Variants in HORMAD2 observed in about 807,000 individuals in gnomAD.
HORMAD2 encodes HORMA domain-containing protein 2.
HORMAD2 carries 45 observed loss-of-function variants against 38.8 expected under a neutral mutation model. That is an observed-to-expected ratio of 1.16 (90% confidence interval 0.91 to 1.49). HORMAD2 has a LOEUF of 1.49. HORMAD2 is among the 40% of genes most tolerant of loss of function. The probability of loss-of-function intolerance (pLI) is 0.00; values close to 1 mark genes in which losing one functional copy is unlikely to be tolerated. For missense variants in HORMAD2, 338 were observed against 367.0 expected (o/e 0.92, Z 0.65); for synonymous variants, 126 against 122.8 (o/e 1.03, Z -0.17).
chr22:30,122,231 G>C lies in HORMAD2; in HGVS notation c.819+17G>C, dbSNP rs1377407024. The C allele has an allele frequency of 1.3e-6, 2 of 1,594,644 alleles. No homozygotes were observed. Among genetic ancestry groups the C allele is most frequent in the Admixed American group, 3.5e-5 (2 of 57,460 alleles). On this transcript the variant is annotated intron_variant, in intron 10 of 10. Transcript: ENST00000336726. ...AATGACCATGTAAGGCAAAGCTTTA[G>C]AGATTTTCTATCGTGTCAGTTAAAC... is the stretch of plus-strand genomic sequence containing the variant.
At position 30,176,121 on chromosome 22, in the gene HORMAD2, GGAA is replaced by G. The variant is rs763426385; in HGVS notation, c.880_882del (p.Lys294del). The G allele has an allele frequency of 6.2e-7, 1 of 1,613,198 alleles. No homozygotes were observed. The highest frequency in any genetic ancestry group is 8.5e-7 in the Non-Finnish European group (1 of 1,179,376). ...AGTTCTGAGTGCTCCAGGAAGAAGA[GGAA>G]GGTCAGTGAACCAGTGAAGGTCTTC... is the stretch of plus-strand genomic sequence containing the variant. On this transcript the variant is annotated inframe_deletion, in exon 11 of 11. Coordinates refer to ENST00000336726, the MANE Select transcript of HORMAD2 (RefSeq NM_152510.4).
chr22:30,099,680 A>C lies in HORMAD2; in HGVS notation c.193+687A>C, dbSNP rs548475030. Among the ~76,000 whole-genome samples, 17 of 152,322 alleles carry C rather than the reference A, an allele frequency of 1.1e-4. No homozygotes were observed. The East Asian group carries it at 3.3e-3, about 29-fold the overall frequency. ...GGCGAGTGGATCACCTGAGTTCAGG[A>C]GTTCGAGACCAGCCTGGCCAACATG... On this transcript the variant is annotated intron_variant, in intron 3 of 10. Transcript: ENST00000336726.
At chr22:30,107,051 T>C (rs879906635) in intron 5 of HORMAD2, among the ~76,000 whole-genome samples, 1 of 152,244 alleles carries the variant, frequency 6.6e-6, no homozygotes, top group Non-Finnish European at 1.5e-5. Context: ...ACAAATACTA[T>C]GTATGTGTTA....
rs1470963809 is a variant in HORMAD2 at position 30,103,031 on chromosome 22, ATTCC to A, written c.194-399_194-396del. Among the ~76,000 whole-genome samples, 6 of 152,302 alleles carry A rather than the reference ATTCC, an allele frequency of 3.9e-5. No homozygotes were observed. In the East Asian group the frequency reaches 9.6e-4, roughly 24 times the overall value. On this transcript the variant is annotated intron_variant, in intron 3 of 10. Transcript: ENST00000336726. Reference sequence around the variant, plus strand: ...GAGAATAATCCGTGTGAAATTTTTTATTCCTTCCTTTTCAATGAGAGGGAGAGAA... The same window carrying A: ...GAGAATAATCCGTGTGAAATTTTTTATTCCTTTTCAATGAGAGGGAGAGAA...
chr22:30,199,941 C>T, the HORMAD2 span, among the ~76,000 whole-genome samples: 1 of 151,926 alleles, frequency 6.6e-6, no homozygotes, highest in Non-Finnish European at 1.5e-5. Context: ...AAAACCCTGT[C>T]TCTACTAAAA....
the HORMAD2 span, among the ~76,000 whole-genome samples, chr22:30,196,924 C>T: frequency 4.6e-5 from 7 of 152,214 alleles, no homozygotes; most frequent in African/African-American, 1.7e-4. Flanking sequence ...AGGAAGTTTA[C>T]TCTCAATGTA....
At chr22:30,097,145 T>A (rs1569084381) in intron 2 of HORMAD2, among the ~76,000 whole-genome samples, 1 of 152,154 alleles carries the variant, frequency 6.6e-6, no homozygotes, top group African/African-American at 2.4e-5. Flanking sequence ...GACAAACAGA[T>A]CAAATTTTTA....
At chr22:30,117,371 A>C (rs983978401) in intron 7 of HORMAD2, among the ~76,000 whole-genome samples, 2 of 152,212 alleles carry the variant, frequency 1.3e-5, no homozygotes, top group African/African-American at 4.8e-5. Flanking sequence ...CTCTGTGGAC[A>C]TACTGTATGA....
chr22:30,078,214 G>A (rs2068406957), upstream of HORMAD2, among the ~76,000 whole-genome samples: 1 of 152,202 alleles, frequency 6.6e-6, no homozygotes, highest in Non-Finnish European at 1.5e-5. Context: ...TGCCAGCACT[G>A]GGCATCCTGG....
intron 1 of HORMAD2, among the ~76,000 whole-genome samples, chr22:30,085,869 C>G (rs9608845): frequency 6.6e-6 from 1 of 152,144 alleles, no homozygotes; most frequent in Non-Finnish European, 1.5e-5. Flanking sequence ...TTAAAGACAA[C>G]TATGGTACAG....
intron 10 of HORMAD2, among the ~76,000 whole-genome samples, chr22:30,151,185 A>G (rs1924725794): frequency 6.6e-6 from 1 of 152,144 alleles, no homozygotes; most frequent in South Asian, 2.1e-4. Context: ...CTGGCTTCCA[A>G]AATTTCATTG....
intron 10 of HORMAD2, among the ~76,000 whole-genome samples, chr22:30,165,614 T>C (rs1369071883): frequency 1.3e-5 from 2 of 152,134 alleles, no homozygotes; most frequent in South Asian, 2.1e-4. Context: ...GCTAAAGTTA[T>C]AAATAATTTT....
At chr22:30,165,343 C>T (rs564438936) in intron 10 of HORMAD2, among the ~76,000 whole-genome samples, 69 of 152,238 alleles carry the variant, frequency 4.5e-4, no homozygotes, top group African/African-American at 1.7e-3. Flanking sequence ...AAATGTGAGA[C>T]CTCCAACTTT....
At position 30,172,209 on chromosome 22, in the gene HORMAD2, A is replaced by G. The variant is rs570030881; in HGVS notation, c.820-3854A>G. On this transcript the variant is annotated intron_variant, in intron 10 of 10. Transcript: ENST00000336726. Reference sequence around the variant, plus strand: ...CAATGGATGACATTGGAAAGTATGAAGCCAAAAAGTAACATGGCCAGATTG... The same window carrying G: ...CAATGGATGACATTGGAAAGTATGAGGCCAAAAAGTAACATGGCCAGATTG... 7.2e-5 allele frequency among the ~76,000 whole-genome samples: 11 copies of G among 152,312 alleles called. No individual in the cohort carries two copies. The East Asian group carries it at 2.1e-3, about 29-fold the overall frequency.
intron 10 of HORMAD2, among the ~76,000 whole-genome samples, chr22:30,139,286 A>ATATATATATATATC (rs1491312488): frequency 2.3e-5 from 3 of 130,540 alleles, no homozygotes; most frequent in African/African-American, 8.3e-5. Flanking sequence ...ATATATATAT[A>ATATATATATATATC]TCCTCTGTCT....
chr22:30,143,993 G>C (rs1488734434), intron 10 of HORMAD2, among the ~76,000 whole-genome samples: 1 of 152,188 alleles, frequency 6.6e-6, no homozygotes, highest in African/African-American at 2.4e-5. Context: ...GCTGATGCCA[G>C]TGCTATGCTT....
the HORMAD2 span, among the ~76,000 whole-genome samples, chr22:30,186,463 G>T: frequency 6.7e-6 from 1 of 149,794 alleles, no homozygotes; most frequent in African/African-American, 2.5e-5. Flanking sequence ...CAATCATTCA[G>T]TTTTTTATTC....
chr22:30,127,778 C>A (rs770728768), intron 10 of HORMAD2, among the ~76,000 whole-genome samples: 55 of 152,172 alleles, frequency 3.6e-4, no homozygotes, highest in Non-Finnish European at 7.2e-4. Flanking sequence ...AACTTCTGAC[C>A]AAACATGCAC....
At chr22:30,121,148 G>A (rs1270640796) in intron 8 of HORMAD2, among the ~76,000 whole-genome samples, 1 of 152,182 alleles carries the variant, frequency 6.6e-6, no homozygotes, top group Non-Finnish European at 1.5e-5. Context: ...CAATGCAAGA[G>A]TGAGGAAGGG....
Sources: gnomAD v4.1 joint callset for allele counts (sites outside exome capture counted in the v4.1 genomes callset) on GRCh38, gnomAD v4.1.1 for gene constraint, MANE v1.5 for transcripts, NCBI Gene and HGNC (gene_info 2026-07-23, HGNC 2026-07-21) for gene names.